ATXN1: variants seen among roughly 807,000 people sequenced by gnomAD.
ATXN1 encodes ataxin-1.
ATXN1 carries 8 observed loss-of-function variants against 56.4 expected under a neutral mutation model. The observed-to-expected ratio is 0.14, with a 90% CI of 0.08 to 0.26. The LOEUF (loss-of-function observed/expected upper bound fraction) is 0.26, where lower values mean the gene tolerates loss of function less well. Among genes scored for constraint, ATXN1 ranks in the 10% least tolerant of loss-of-function variants. The pLI is 1.00. For missense variants in ATXN1, 987 were observed against 1,106.5 expected (o/e 0.89, Z 1.53); for synonymous variants, 514 against 494.6 (o/e 1.04, Z -0.52).
chr6:16,411,886 T>G (rs975446075), intron 6 of ATXN1, among the ~76,000 whole-genome samples: 3 of 152,264 alleles, frequency 2.0e-5, no homozygotes, highest in Non-Finnish European at 4.4e-5. Flanking sequence ...TAAGTTGTTC[T>G]TATTAATATG....
intron 5 of ATXN1, among the ~76,000 whole-genome samples, chr6:16,498,871 G>T (rs1345950741): frequency 6.6e-6 from 1 of 152,096 alleles, no homozygotes; most frequent in African/African-American, 2.4e-5. Context: ...TCTTTGAATT[G>T]TAAGAGTTCT....
chr6:16,384,746 G>A (rs750466838), intron 6 of ATXN1, among the ~76,000 whole-genome samples: 3 of 152,198 alleles, frequency 2.0e-5, no homozygotes, highest in Non-Finnish European at 2.9e-5. Flanking sequence ...CACGTAGGAC[G>A]TGCTGGCTTC....
At position 16,326,343 on chromosome 6, in the gene ATXN1, A is replaced by G; in HGVS notation, c.1917+51T>C. The G allele has an allele frequency of 6.3e-7, 1 of 1,596,524 alleles. No homozygotes were observed. The highest frequency in any genetic ancestry group is 8.5e-7 in the Non-Finnish European group (1 of 1,170,872). The stretch of plus-strand genomic sequence containing the variant: ...CAATTCGTCTTGCCAGGAGATGATG[A>G]TGGCATCACGGTGTGGTGTCCCATC... On this transcript the variant is annotated intron_variant, in intron 7 of 7. Transcript: ENST00000436367. This position sits in a 1 kb window ranked among gnomAD's most constrained non-coding sequence, Gnocchi z 6.6.
intron 6 of ATXN1, among the ~76,000 whole-genome samples, chr6:16,364,884 G>A (rs56997662): frequency 0.068 from 10,305 of 152,198 alleles, 1,180 homozygotes; most frequent in African/African-American, 0.23. Context: ...TCTCCTTCAA[G>A]GAGCTTCCAG....
At chr6:16,605,866 G>T (rs1175896167) in intron 3 of ATXN1, among the ~76,000 whole-genome samples, 2 of 152,176 alleles carry the variant, frequency 1.3e-5, no homozygotes, top group Non-Finnish European at 2.9e-5. Context: ...AGTGTCTCAT[G>T]CCTATAATCC....
At chr6:16,442,007 T>A (rs1470549933) in intron 6 of ATXN1, among the ~76,000 whole-genome samples, 6 of 152,142 alleles carry the variant, frequency 3.9e-5, no homozygotes, top group Non-Finnish European at 1.5e-5. Context: ...TTTGAAACTA[T>A]ATATTGACAG....
intron 5 of ATXN1, among the ~76,000 whole-genome samples, chr6:16,519,601 T>C (rs1289210121): frequency 6.6e-6 from 1 of 152,226 alleles, no homozygotes. Context: ...CATTGCTCCA[T>C]GTCACTACCC....
At chr6:16,447,306 C>T (rs1423519837) in intron 6 of ATXN1, among the ~76,000 whole-genome samples, 4 of 152,164 alleles carry the variant, frequency 2.6e-5, no homozygotes, top group Non-Finnish European at 4.4e-5. Flanking sequence ...CATACTGCAA[C>T]CTTGGCCTCT....
intron 3 of ATXN1, among the ~76,000 whole-genome samples, chr6:16,653,861 G>T (rs981919398): frequency 6.6e-6 from 1 of 152,158 alleles, no homozygotes; most frequent in African/African-American, 2.4e-5. Flanking sequence ...ATATTTCCTG[G>T]ACACCTACCA....
intron 2 of ATXN1, among the ~76,000 whole-genome samples, chr6:16,712,176 C>T (rs143313443): frequency 5.3e-4 from 81 of 152,176 alleles, no homozygotes; most frequent in Admixed American, 4.6e-3. Flanking sequence ...TTGCGCTGTA[C>T]GCTTAAGATG....
intron 5 of ATXN1, among the ~76,000 whole-genome samples, chr6:16,495,145 C>T (rs144774963): frequency 6.1e-4 from 93 of 152,294 alleles, no homozygotes; most frequent in African/African-American, 1.6e-3. Context: ...CTAAGGTCTG[C>T]AAGATGCTAA....
intron 6 of ATXN1, among the ~76,000 whole-genome samples, chr6:16,406,696 G>C (rs1758692121): frequency 6.6e-6 from 1 of 152,190 alleles, no homozygotes; most frequent in South Asian, 2.1e-4. Flanking sequence ...CAAGCATTAG[G>C]TCATAGCCTG....
At chr6:16,669,217 A>C (rs1432348447) in intron 2 of ATXN1, among the ~76,000 whole-genome samples, 1 of 152,224 alleles carries the variant, frequency 6.6e-6, no homozygotes, top group African/African-American at 2.4e-5. Flanking sequence ...GAAGTTAAGA[A>C]AGGAGAATCA....
chr6:16,701,491 C>A (rs1300081867), intron 2 of ATXN1, among the ~76,000 whole-genome samples: 2 of 152,194 alleles, frequency 1.3e-5, no homozygotes, highest in Admixed American at 1.3e-4. Flanking sequence ...CCAGGGCAAT[C>A]AGGCAGGAGA....
chr6:16,408,604 T>C (rs764121444), intron 6 of ATXN1, among the ~76,000 whole-genome samples: 1 of 152,190 alleles, frequency 6.6e-6, no homozygotes, highest in Non-Finnish European at 1.5e-5. Context: ...TTACAACCTT[T>C]TCAGGGTTTT....
intron 6 of ATXN1, among the ~76,000 whole-genome samples, chr6:16,406,511 C>A (rs1758688307): frequency 6.6e-6 from 1 of 152,182 alleles, no homozygotes; most frequent in African/African-American, 2.4e-5. Flanking sequence ...AGATTTTCCT[C>A]CCCATCTAAT....
At chr6:16,615,091 A>C (rs1293125082) in intron 3 of ATXN1, 4 of 149,294 alleles carry the variant, frequency 2.7e-5, no homozygotes, top group Non-Finnish European at 6.0e-5. Context: ...AACAACCAAA[A>C]AATGACATAA....
chr6:16,604,168 G>A (rs1414642917), intron 3 of ATXN1, among the ~76,000 whole-genome samples: 1 of 152,032 alleles, frequency 6.6e-6, no homozygotes, highest in East Asian at 1.9e-4. Flanking sequence ...AGATGGAAAT[G>A]CTTCTCAAGA....
intron 3 of ATXN1, among the ~76,000 whole-genome samples, chr6:16,618,611 A>C (rs1763262692): frequency 6.6e-6 from 1 of 151,762 alleles, no homozygotes; most frequent in African/African-American, 2.4e-5. Context: ...ACACACCTGT[A>C]GTCTGGAGGC....
Sources: gnomAD v4.1 joint callset for allele counts (sites outside exome capture counted in the v4.1 genomes callset) on GRCh38, gnomAD v4.1.1 for gene constraint, Gnocchi (gnomAD v3.1) non-coding constraint, MANE v1.5 for transcripts, NCBI Gene and HGNC (gene_info 2026-07-23, HGNC 2026-07-21) for gene names.